DGKB: variants seen among roughly 807,000 people sequenced by gnomAD.
The protein encoded by DGKB is 90 kDa diacylglycerol kinase.
A neutral mutation model predicts 114.3 loss-of-function variants in DGKB; 67 were observed. That is an observed-to-expected ratio of 0.59 (90% CI 0.48 to 0.72). The LOEUF is 0.72. DGKB is among the 30% of genes least tolerant of loss of function. The pLI, the probability that DGKB is intolerant of heterozygous loss-of-function variation, is 0.00. For missense variants in DGKB, 907 were observed against 975.2 expected (o/e 0.93, Z 0.93); for synonymous variants, 398 against 323.1 (o/e 1.23, Z -2.49).
rs34964183 is a variant in DGKB at position 14,850,441 on chromosome 7, T to A, written c.-187-8991A>T. On this transcript the variant is annotated intron_variant, in intron 1 of 25. Coordinates refer to ENST00000402815, the MANE Select transcript of DGKB (RefSeq NM_001350709.2). ...ACTTCAGGAGAGAGAAGCTGAGTAG[T>A]GTTTTAAACTCCTTAGAAAAGAGGG... is the stretch of plus-strand genomic sequence containing the variant. Among the ~76,000 whole-genome samples, 550 of 152,262 alleles carry A rather than the reference T, an allele frequency of 3.6e-3. 5 individuals are homozygous for A. The highest frequency in any genetic ancestry group is 6.4e-3 in the Non-Finnish European group (433 of 68,012).
chr7:14,255,093 A>C (rs763517723), intron 23 of DGKB, among the ~76,000 whole-genome samples: 1 of 152,230 alleles, frequency 6.6e-6, no homozygotes, highest in Non-Finnish European at 1.5e-5. Context: ...ACAAATGGGC[A>C]CGACAATGTG....
At chr7:14,690,277 C>T (rs1056032592) in intron 9 of DGKB, among the ~76,000 whole-genome samples, 1 of 152,120 alleles carries the variant, frequency 6.6e-6, no homozygotes, top group Non-Finnish European at 1.5e-5. Context: ...GCTAACTTCT[C>T]GTTTTTCCGG....
At chr7:14,685,038 C>A (rs984948378) in intron 10 of DGKB, among the ~76,000 whole-genome samples, 3 of 152,166 alleles carry the variant, frequency 2.0e-5, no homozygotes, top group African/African-American at 7.2e-5. Context: ...AAATGTCCTT[C>A]ATTTTTTTCC....
chr7:14,230,200 T>G (rs1034719075), intron 23 of DGKB, among the ~76,000 whole-genome samples: 14 of 152,056 alleles, frequency 9.2e-5, no homozygotes, highest in Non-Finnish European at 1.9e-4. Flanking sequence ...TAAACTGAAG[T>G]ACTTTGTCTT....
intron 21 of DGKB, among the ~76,000 whole-genome samples, chr7:14,412,789 C>T (rs979582504): frequency 1.3e-5 from 2 of 152,022 alleles, no homozygotes; most frequent in African/African-American, 4.8e-5. Context: ...CGAGACCAGC[C>T]TGGCCAACAC....
intron 23 of DGKB, among the ~76,000 whole-genome samples, chr7:14,290,016 A>G (rs1340196048): frequency 6.6e-6 from 1 of 152,124 alleles, no homozygotes; most frequent in Non-Finnish European, 1.5e-5. Context: ...TTCCAACCCA[A>G]AATATATGTA....
intron 21 of DGKB, among the ~76,000 whole-genome samples, chr7:14,400,346 G>A (rs972382628): frequency 6.6e-6 from 1 of 151,734 alleles, no homozygotes; most frequent in African/African-American, 2.4e-5. Flanking sequence ...AAAAATTCGA[G>A]TATTTCAGGT....
At chr7:14,501,248 T>G (rs1786121685) in intron 20 of DGKB, among the ~76,000 whole-genome samples, 1 of 151,896 alleles carries the variant, frequency 6.6e-6, no homozygotes, top group Non-Finnish European at 1.5e-5. Flanking sequence ...CTTCTAGAAC[T>G]CTTAAGAGAA....
At position 14,275,001 on chromosome 7, in the gene DGKB, T is replaced by C. The variant is rs1798795825; in HGVS notation, c.2122+63514A>G. Among the ~76,000 whole-genome samples, 4 of 151,926 alleles carry C rather than the reference T, an allele frequency of 2.6e-5. No individual in the cohort carries two copies. The South Asian group carries it at 8.3e-4, about 32-fold the overall frequency. On this transcript the variant is annotated intron_variant, in intron 23 of 25. Coordinates refer to ENST00000402815, the MANE Select transcript of DGKB (RefSeq NM_001350709.2). ...TGTGTGTGCGTGTTATAAATGTGAT[T>C]TCTTCTGTTTGAAATGGCCTTCTCT...
intron 1 of DGKB, among the ~76,000 whole-genome samples, chr7:14,877,642 T>A (rs1016123643): frequency 2.0e-5 from 3 of 152,212 alleles, no homozygotes; most frequent in African/African-American, 7.2e-5. Flanking sequence ...CCTGTGAGGT[T>A]TGCGTAAATA....
chr7:14,404,445 T>A (rs966747097), intron 21 of DGKB, among the ~76,000 whole-genome samples: 1 of 151,918 alleles, frequency 6.6e-6, no homozygotes, highest in African/African-American at 2.4e-5. Context: ...TTGTCCATTC[T>A]ACCCAACAGC....
At chr7:14,357,237 C>T (rs980832030) in intron 21 of DGKB, among the ~76,000 whole-genome samples, 4 of 152,098 alleles carry the variant, frequency 2.6e-5, no homozygotes, top group East Asian at 1.9e-4. Context: ...GTCTAAGTCC[C>T]TTTGTGGGTC....
chr7:14,569,000 C>T (rs1353699935), intron 20 of DGKB, among the ~76,000 whole-genome samples: 1 of 152,148 alleles, frequency 6.6e-6, no homozygotes, highest in Non-Finnish European at 1.5e-5. Flanking sequence ...ATCCCATATG[C>T]TTTAAATCCT....
chr7:14,441,832 A>G (rs1284885527), intron 21 of DGKB, among the ~76,000 whole-genome samples: 5 of 151,934 alleles, frequency 3.3e-5, no homozygotes, highest in African/African-American at 7.2e-5. Flanking sequence ...TTATTTTTAT[A>G]TATGTTCTCC....
In DGKB at chr7:14,260,115, C is replaced by A. The variant is rs200472581; in HGVS notation, c.2122+78400G>T. Among the ~76,000 whole-genome samples the A allele has an allele frequency of 0.026, 181 of 7,056 alleles. 1 individual carries two copies. In the South Asian group the frequency reaches 0.26, roughly 10 times the overall value. The allele number at this position is 7,056 out of a possible 152,430, so 4.6% of individuals were successfully genotyped here. Reference sequence around the variant, plus strand: ...ACACACACACACACACATGAACACACACACACACACACACACACACACAGT... The same window carrying A: ...ACACACACACACACACATGAACACAAACACACACACACACACACACACAGT... On this transcript the variant is annotated intron_variant, in intron 23 of 25. Coordinates refer to ENST00000402815, the MANE Select transcript of DGKB (RefSeq NM_001350709.2).
chr7:14,224,692 C>T (rs1201190425), intron 23 of DGKB, among the ~76,000 whole-genome samples: 3 of 151,928 alleles, frequency 2.0e-5, no homozygotes, highest in African/African-American at 7.2e-5. Flanking sequence ...TCTAGTCCAC[C>T]ACCACCACCA....
intron 19 of DGKB, among the ~76,000 whole-genome samples, chr7:14,574,823 G>A (rs1033186309): frequency 1.3e-5 from 2 of 151,996 alleles, no homozygotes; most frequent in South Asian, 2.1e-4. Flanking sequence ...ACCTTTTCCC[G>A]TCTAGTGATA....
At chr7:14,213,695 T>C (rs937967426) in intron 23 of DGKB, among the ~76,000 whole-genome samples, 19 of 152,124 alleles carry the variant, frequency 1.2e-4, no homozygotes, top group Non-Finnish European at 1.9e-4. Flanking sequence ...AAAATGCTGA[T>C]TATTCTGGTT....
At chr7:14,464,222 A>G (rs1833513983) in intron 21 of DGKB, among the ~76,000 whole-genome samples, 1 of 152,178 alleles carries the variant, frequency 6.6e-6, no homozygotes, top group African/African-American at 2.4e-5. Flanking sequence ...AGCCAAAATA[A>G]TTAAAGTAAT....
Sources: gnomAD v4.1 joint callset for allele counts (sites outside exome capture counted in the v4.1 genomes callset) on GRCh38, gnomAD v4.1.1 for gene constraint, MANE v1.5 for transcripts, NCBI Gene and HGNC (gene_info 2026-07-23, HGNC 2026-07-21) for gene names.